The following PPARGC1A variants were observed in gnomAD, a reference collection of about 807,000 sequenced individuals.
The protein encoded by PPARGC1A is peroxisome proliferator-activated receptor gamma coactivator 1-alpha.
In PPARGC1A, 25 loss-of-function variants were observed where a neutral mutation model predicts 88.7. The observed-to-expected ratio is 0.28, with a 90% CI of 0.21 to 0.39. The LOEUF (loss-of-function observed/expected upper bound fraction) is 0.39, where lower values mean the gene tolerates loss of function less well. Ranked by LOEUF, PPARGC1A falls within the 10% of genes least tolerant of loss-of-function variation. The pLI is 1.00. For missense variants in PPARGC1A, 880 were observed against 968.7 expected, an observed-to-expected ratio of 0.91 and a Z score of 1.22; for synonymous variants, 363 against 355.6, an observed-to-expected ratio of 1.02 and a Z score of -0.24.
At chr4:23,799,794 A>T (rs2109330376) in intron 12 of PPARGC1A, among the ~76,000 whole-genome samples, 1 of 152,240 alleles carries the variant, frequency 6.6e-6, no homozygotes. Flanking sequence ...ACCAGTGATG[A>T]ATCGTGATCT....
chr4:24,392,540 C>A, the PPARGC1A span, among the ~76,000 whole-genome samples: 2 of 152,212 alleles, frequency 1.3e-5, no homozygotes, highest in Non-Finnish European at 2.9e-5. Context: ...TCCCATAAAG[C>A]TGCCTCCCAT....
At chr4:24,220,921 A>C in the PPARGC1A span, among the ~76,000 whole-genome samples, 1 of 152,212 alleles carries the variant, frequency 6.6e-6, no homozygotes, top group African/African-American at 2.4e-5. Context: ...TCCTTTGCAC[A>C]ACTCTAGGAA....
At chr4:23,967,294 C>T in the PPARGC1A span, among the ~76,000 whole-genome samples, 1 of 152,162 alleles carries the variant, frequency 6.6e-6, no homozygotes, top group Non-Finnish European at 1.5e-5. Context: ...CCCACGCCAC[C>T]ATGCGCCGAT....
intron 1 of PPARGC1A, among the ~76,000 whole-genome samples, chr4:23,895,721 T>A (rs1718477234): frequency 6.6e-6 from 1 of 152,100 alleles, no homozygotes; most frequent in African/African-American, 2.4e-5. Context: ...ATAATTTTTA[T>A]ACAGAGCAAG....
At chr4:23,983,134 G>A in the PPARGC1A span, among the ~76,000 whole-genome samples, 1 of 151,996 alleles carries the variant, frequency 6.6e-6, no homozygotes, top group Non-Finnish European at 1.5e-5. Flanking sequence ...AAACCTTTCT[G>A]TAGGTCACAT....
the PPARGC1A span, among the ~76,000 whole-genome samples, chr4:24,172,193 A>G: frequency 6.6e-6 from 1 of 152,348 alleles, no homozygotes; most frequent in East Asian, 1.9e-4. Context: ...TCACTGAAAG[A>G]GAAGCTGAAG....
the PPARGC1A span, among the ~76,000 whole-genome samples, chr4:24,255,576 T>C: frequency 6.6e-6 from 1 of 152,222 alleles, no homozygotes; most frequent in Non-Finnish European, 1.5e-5. Context: ...GCTACATACC[T>C]ACCCAGTGGG....
the PPARGC1A span, among the ~76,000 whole-genome samples, chr4:24,376,347 G>C: frequency 1.4e-4 from 22 of 152,272 alleles, no homozygotes; most frequent in African/African-American, 4.8e-4. Flanking sequence ...GAAGAGGAGG[G>C]CTTGCCAAAG....
At chr4:23,926,849 G>A in the PPARGC1A span, among the ~76,000 whole-genome samples, 2 of 152,202 alleles carry the variant, frequency 1.3e-5, no homozygotes, top group South Asian at 2.1e-4. Flanking sequence ...ATAATCGCTA[G>A]TTTATGCATC....
chr4:24,238,739 T>TTG, the PPARGC1A span, among the ~76,000 whole-genome samples: 25 of 129,892 alleles, frequency 1.9e-4, no homozygotes, highest in Non-Finnish European at 6.5e-5. Flanking sequence ...CAATCCAAGG[T>TTG]TGTATATGTG....
intron 3 of PPARGC1A, among the ~76,000 whole-genome samples, chr4:23,830,982 T>C (rs548103643): frequency 2.3e-4 from 35 of 152,338 alleles, no homozygotes; most frequent in African/African-American, 8.2e-4. Context: ...CAATTCTTTC[T>C]AGGATTGTAT....
the PPARGC1A span, among the ~76,000 whole-genome samples, chr4:24,064,116 G>A: frequency 6.6e-6 from 1 of 152,180 alleles, no homozygotes; most frequent in Non-Finnish European, 1.5e-5. Context: ...AGGCTCTGAA[G>A]AGGAGCACAG....
the PPARGC1A span, among the ~76,000 whole-genome samples, chr4:24,345,010 G>T: frequency 2.0e-5 from 3 of 151,854 alleles, no homozygotes; most frequent in Non-Finnish European, 4.4e-5. Context: ...TTGAAAAGGG[G>T]GTCCTTTCCT....
chr4:24,194,633 C>CAT, the PPARGC1A span, among the ~76,000 whole-genome samples: 9 of 16,834 alleles, frequency 5.3e-4, no homozygotes, highest in African/African-American at 1.0e-3. Flanking sequence ...CGCGCGCGCA[C>CAT]ACACACACAC....
intron 3 of PPARGC1A, among the ~76,000 whole-genome samples, chr4:23,830,660 G>T (rs184977074): frequency 3.9e-5 from 6 of 152,222 alleles, no homozygotes; most frequent in Admixed American, 3.3e-4. Flanking sequence ...CCTCTAAATG[G>T]CATGCCAAAC....
At chr4:24,127,413 C>T in the PPARGC1A span, among the ~76,000 whole-genome samples, 5 of 151,720 alleles carry the variant, frequency 3.3e-5, no homozygotes, top group African/African-American at 1.2e-4. Context: ...TTTATCACTT[C>T]GAAGTATTGT....
At chr4:23,834,231 T>C (rs1577442459) in intron 2 of PPARGC1A, among the ~76,000 whole-genome samples, 1 of 150,850 alleles carries the variant, frequency 6.6e-6, no homozygotes, top group Non-Finnish European at 1.5e-5. Flanking sequence ...ACCCGGGGGG[T>C]GGAGCTTGCA....
the PPARGC1A span, among the ~76,000 whole-genome samples, chr4:24,357,511 T>G: frequency 6.6e-6 from 1 of 152,256 alleles, no homozygotes. Context: ...GCAGCTTCAC[T>G]TGCTAAAATA....
the PPARGC1A span, among the ~76,000 whole-genome samples, chr4:24,184,973 A>C: frequency 6.6e-6 from 1 of 152,328 alleles, no homozygotes; most frequent in Admixed American, 6.5e-5. Context: ...TTGTACTTTG[A>C]GGTGCTTGAA....
Sources: allele counts gnomAD v4.1 joint callset (sites outside exome capture counted in the v4.1 genomes callset), GRCh38; gene constraint gnomAD v4.1.1; transcripts MANE v1.5; gene names NCBI Gene and HGNC (gene_info 2026-07-23, HGNC 2026-07-21).